The following GRIK3 variants were observed in gnomAD, a reference collection of about 807,000 sequenced individuals.
GRIK3 encodes the protein glutamate receptor ionotropic, kainate 3.
In GRIK3, 29 loss-of-function variants were observed where a neutral mutation model predicts 102.5. That is an observed-to-expected ratio of 0.28 (90% CI 0.21 to 0.39). The LOEUF (loss-of-function observed/expected upper bound fraction) is 0.39. Ranked by LOEUF, GRIK3 falls within the 10% of genes least tolerant of loss-of-function variation. The probability of loss-of-function intolerance (pLI) is 1.00; values close to 1 mark genes in which losing one functional copy is unlikely to be tolerated. For synonymous variants in GRIK3, 511 were observed against 504.9 expected (o/e 1.01, Z -0.16); for missense variants, 908 against 1,252.4 (o/e 0.73, Z 4.15).
chr1:36,819,034 G>A lies in GRIK3; in HGVS notation c.1873+702C>T, dbSNP rs191235375. Among the ~76,000 whole-genome samples, 396 of 152,306 alleles carry A rather than the reference G, an allele frequency of 2.6e-3. 4 individuals carry two copies. Among genetic ancestry groups the A allele is most frequent in the African/African-American group, 8.9e-3 (369 of 41,560 alleles). On this transcript the variant is annotated intron_variant, in intron 12 of 15. Coordinates refer to ENST00000373091, the MANE Select transcript of GRIK3 (RefSeq NM_000831.4). This position sits in a 1 kb window ranked among gnomAD's most constrained non-coding sequence, Gnocchi z 4.1. ...TGCCCTCCTGCTCCCTGCTGTCTCTGCATCTGACTCCTGGCAGTTAGAGCA... is the reference window on the plus strand; with the variant it reads ...TGCCCTCCTGCTCCCTGCTGTCTCTACATCTGACTCCTGGCAGTTAGAGCA...
intron 1 of GRIK3, among the ~76,000 whole-genome samples, chr1:36,906,336 C>T (rs76334308): frequency 7.9e-5 from 11 of 138,386 alleles, no homozygotes; most frequent in South Asian, 2.5e-4. Context: ...TCAGTTTCTC[C>T]GAGACTCAGT....
intron 2 of GRIK3, among the ~76,000 whole-genome samples, chr1:36,885,431 A>G (rs1043979653): frequency 6.6e-6 from 1 of 152,146 alleles, no homozygotes; most frequent in Non-Finnish European, 1.5e-5. Context: ...AGTGGAGATG[A>G]TACCATTGTT....
chr1:36,998,020 C>T (rs920259242), intron 1 of GRIK3, among the ~76,000 whole-genome samples: 2 of 152,290 alleles, frequency 1.3e-5, no homozygotes, highest in Middle Eastern at 3.4e-3. Flanking sequence ...GAGCATAGAA[C>T]AATGCCTGGC....
At chr1:36,940,921 G>A (rs900609804) in intron 1 of GRIK3, among the ~76,000 whole-genome samples, 1 of 152,170 alleles carries the variant, frequency 6.6e-6, no homozygotes, top group Non-Finnish European at 1.5e-5. Flanking sequence ...GGAGCCTGTG[G>A]TTCCCAATCA....
intron 9 of GRIK3, among the ~76,000 whole-genome samples, chr1:36,842,374 A>G (rs1446756839): frequency 6.6e-6 from 1 of 152,188 alleles, no homozygotes; most frequent in East Asian, 1.9e-4. Flanking sequence ...ACTGAACCGG[A>G]AACTCTGGGG....
chr1:36,974,704 G>A (rs557022063), intron 1 of GRIK3, among the ~76,000 whole-genome samples: 1 of 151,870 alleles, frequency 6.6e-6, no homozygotes, highest in Non-Finnish European at 1.5e-5. Context: ...GGAGGCTGAG[G>A]CAGGAGAATG....
At chr1:36,828,427 C>A (rs1041092296) in intron 10 of GRIK3, among the ~76,000 whole-genome samples, 1 of 152,134 alleles carries the variant, frequency 6.6e-6, no homozygotes, top group Non-Finnish European at 1.5e-5. Context: ...TGCTGTGCAC[C>A]TTTTCTATGT....
intron 8 of GRIK3, among the ~76,000 whole-genome samples, chr1:36,853,170 G>A (rs542551421): frequency 2.0e-5 from 3 of 152,344 alleles, no homozygotes; most frequent in African/African-American, 2.4e-5. Context: ...TGTCTCCAGT[G>A]ACAGTGAGCT....
At chr1:36,810,870 C>A (rs1165982350) in intron 13 of GRIK3, among the ~76,000 whole-genome samples, 3 of 152,182 alleles carry the variant, frequency 2.0e-5, no homozygotes, top group South Asian at 4.1e-4. Flanking sequence ...CAGTCTAGCT[C>A]CTAGTTCACC....
chr1:36,895,474 C>A (rs190563038), intron 1 of GRIK3, among the ~76,000 whole-genome samples: 1 of 151,430 alleles, frequency 6.6e-6, no homozygotes, highest in Non-Finnish European at 1.5e-5. Flanking sequence ...CAAAACAAAA[C>A]GAAATACTGT....
At chr1:36,899,155 A>T (rs1424076022) in intron 1 of GRIK3, among the ~76,000 whole-genome samples, 1 of 152,206 alleles carries the variant, frequency 6.6e-6, no homozygotes, top group African/African-American at 2.4e-5. Context: ...CCAAAGGCAC[A>T]GACAAGAAAA....
intron 1 of GRIK3, among the ~76,000 whole-genome samples, chr1:36,918,350 T>A (rs1641430115): frequency 1.3e-5 from 2 of 152,196 alleles, no homozygotes; most frequent in South Asian, 2.1e-4. Flanking sequence ...CCCTTTAACC[T>A]TCTTATGCAG....
intron 2 of GRIK3, among the ~76,000 whole-genome samples, chr1:36,886,753 C>T (rs1446017692): frequency 6.6e-6 from 1 of 152,132 alleles, no homozygotes; most frequent in African/African-American, 2.4e-5. Context: ...CTCATGTATG[C>T]TACACTATCT....
chr1:36,981,258 G>A (rs1642245194), intron 1 of GRIK3, among the ~76,000 whole-genome samples: 1 of 152,200 alleles, frequency 6.6e-6, no homozygotes, highest in Non-Finnish European at 1.5e-5. Context: ...AGTGGCTGGA[G>A]GGCAGGTGAA....
At chr1:37,002,427 A>C (rs1266959706) in intron 1 of GRIK3, among the ~76,000 whole-genome samples, 1 of 152,178 alleles carries the variant, frequency 6.6e-6, no homozygotes, top group Admixed American at 6.5e-5. Context: ...AGAGAAAAAC[A>C]GCATTTCGGA....
chr1:36,907,276 T>C (rs189140932), intron 1 of GRIK3, among the ~76,000 whole-genome samples: 317 of 152,194 alleles, frequency 2.1e-3, no homozygotes, highest in Admixed American at 9.2e-3. Context: ...GTGGAGAAGA[T>C]GTGAGACAAG....
chr1:37,031,049 C>T (rs1331603761), intron 1 of GRIK3, among the ~76,000 whole-genome samples: 1 of 152,144 alleles, frequency 6.6e-6, no homozygotes, highest in African/African-American at 2.4e-5. Context: ...GTCACTGAAG[C>T]CCGTTTGGCT....
chr1:36,896,902 G>A (rs1026705305), intron 1 of GRIK3, among the ~76,000 whole-genome samples: 10 of 152,204 alleles, frequency 6.6e-5, no homozygotes, highest in South Asian at 4.2e-4. Flanking sequence ...AAAAAAATGC[G>A]ATCATCTGAA....
intron 1 of GRIK3, among the ~76,000 whole-genome samples, chr1:36,944,673 C>T (rs922731586): frequency 6.6e-6 from 1 of 152,172 alleles, no homozygotes; most frequent in Non-Finnish European, 1.5e-5. Flanking sequence ...TCCTCCACCG[C>T]ACCCCCTTCC....
Sources: allele counts gnomAD v4.1 joint callset (sites outside exome capture counted in the v4.1 genomes callset), GRCh38; gene constraint gnomAD v4.1.1; non-coding constraint Gnocchi (gnomAD v3.1); transcripts MANE v1.5; gene names NCBI Gene and HGNC (gene_info 2026-07-23, HGNC 2026-07-21).